The following C11orf97 variants were observed in gnomAD, a reference collection of about 807,000 sequenced individuals.
The protein encoded by C11orf97 is chromosome 11 open reading frame 97.
A neutral mutation model predicts 16.2 loss-of-function variants in C11orf97; 15 were observed. That is an observed-to-expected ratio of 0.93 (90% CI 0.62 to 1.43). C11orf97 has a LOEUF of 1.43. Among genes scored for constraint, C11orf97 ranks in the 40% most tolerant of loss-of-function variants. C11orf97 has a pLI of 0.00. For synonymous variants in C11orf97, 61 were observed against 65.7 expected, an observed-to-expected ratio of 0.93 and a Z score of 0.34; for missense variants, 171 against 161.2, an observed-to-expected ratio of 1.06 and a Z score of -0.33.
At chr11:94,523,329 T>C (rs1947674605) in intron 2 of C11orf97, among the ~76,000 whole-genome samples, 1 of 152,350 alleles carries the variant, frequency 6.6e-6, no homozygotes, top group South Asian at 2.1e-4. Flanking sequence ...AGCATATTTG[T>C]AGCTATGTAT....
chr11:94,529,406 T>C (rs918362967), intron 3 of C11orf97, among the ~76,000 whole-genome samples: 4 of 152,226 alleles, frequency 2.6e-5, no homozygotes, highest in Admixed American at 2.0e-4. Flanking sequence ...GGGATTCATG[T>C]AGCAAACAGG....
At chr11:94,513,667 G>A (rs1947586209) in intron 1 of C11orf97, among the ~76,000 whole-genome samples, 1 of 152,168 alleles carries the variant, frequency 6.6e-6, no homozygotes, top group Admixed American at 6.5e-5. Flanking sequence ...CCTGGTGAAA[G>A]GGGCCTCTTC....
intron 2 of C11orf97, among the ~76,000 whole-genome samples, chr11:94,520,250 A>G (rs1310354647): frequency 6.6e-6 from 1 of 152,194 alleles, no homozygotes; most frequent in Non-Finnish European, 1.5e-5. Flanking sequence ...CATCTGATGT[A>G]GTTGTTTCCT....
intron 3 of C11orf97, among the ~76,000 whole-genome samples, chr11:94,529,120 A>C (rs543154275): frequency 1.5e-4 from 23 of 152,326 alleles, no homozygotes; most frequent in African/African-American, 5.5e-4. Flanking sequence ...GTAGAAGAGT[A>C]GAAATGCTGG....
At chr11:94,514,230 T>C (rs2135176333) in intron 1 of C11orf97, among the ~76,000 whole-genome samples, 1 of 145,530 alleles carries the variant, frequency 6.9e-6, no homozygotes, top group Non-Finnish European at 1.5e-5. Flanking sequence ...TTTAACATAT[T>C]GAGTCTTTAT....
At chr11:94,514,315 C>T (rs1337821849) in intron 1 of C11orf97, among the ~76,000 whole-genome samples, 2 of 152,170 alleles carry the variant, frequency 1.3e-5, no homozygotes, top group Non-Finnish European at 2.9e-5. Context: ...TTCACAAGCT[C>T]ACAAAGTTGG....
At chr11:94,515,876 G>A (rs557716476) in intron 1 of C11orf97, among the ~76,000 whole-genome samples, 50 of 152,246 alleles carry the variant, frequency 3.3e-4, no homozygotes, top group African/African-American at 1.2e-3. Context: ...CACCAGGGCT[G>A]AAATTTGTCA....
intron 2 of C11orf97, among the ~76,000 whole-genome samples, chr11:94,521,163 A>T (rs1168619094): frequency 1.3e-5 from 2 of 152,174 alleles, no homozygotes; most frequent in Non-Finnish European, 2.9e-5. Flanking sequence ...GTCAAAACAG[A>T]AATTGTCCTC....
chr11:94,521,079 A>T (rs972198416), intron 2 of C11orf97, among the ~76,000 whole-genome samples: 4 of 152,192 alleles, frequency 2.6e-5, no homozygotes, highest in African/African-American at 7.2e-5. Context: ...AGACATTCAG[A>T]TATCTTCCTC....
At position 94,528,279 on chromosome 11, in the gene C11orf97, A is replaced by G. The variant is rs934472629; in HGVS notation, c.376+70A>G. The G allele has an allele frequency of 1.6e-4, 218 of 1,343,010 alleles. No individual in the cohort carries two copies. In the East Asian group the frequency reaches 5.4e-3, roughly 33 times the overall value. 83.2% of individuals were successfully genotyped at this position (1,343,010 alleles called of 1,614,324 possible). A position where few individuals can be genotyped will look rare whatever the true frequency, so the allele number is the denominator to read the frequency against. On this transcript the variant is annotated intron_variant, in intron 3 of 3. Transcript: ENST00000542198. The stretch of plus-strand genomic sequence containing the variant: ...ACTTTACAGTTTACAAACCAGTGGT[A>G]TATGCTCTGTTTAAAGATCTCAATC...
chr11:94,526,541 G>C (rs1339296640), intron 2 of C11orf97, among the ~76,000 whole-genome samples: 1 of 151,996 alleles, frequency 6.6e-6, no homozygotes, highest in Non-Finnish European at 1.5e-5. Context: ...TGCTTTCCAC[G>C]TACTGGATCT....
At chr11:94,513,820 GATT>G (rs1314889704) in intron 1 of C11orf97, among the ~76,000 whole-genome samples, 4 of 152,106 alleles carry the variant, frequency 2.6e-5, no homozygotes, top group Admixed American at 1.3e-4. Context: ...AAATTATTAT[GATT>G]ATTATTATTT....
intron 1 of C11orf97, among the ~76,000 whole-genome samples, chr11:94,517,368 C>A (rs758992779): frequency 1.3e-5 from 2 of 152,182 alleles, no homozygotes; most frequent in Non-Finnish European, 2.9e-5. Flanking sequence ...ACTTACCCTG[C>A]AAGTTCAGGA....
intron 2 of C11orf97, among the ~76,000 whole-genome samples, chr11:94,526,798 G>A (rs953093932): frequency 1.3e-5 from 2 of 152,180 alleles, no homozygotes; most frequent in African/African-American, 4.8e-5. Flanking sequence ...GAAGGAGATT[G>A]TGCAATCTTC....
chr11:94,521,223 A>G (rs548188779), intron 2 of C11orf97, among the ~76,000 whole-genome samples: 10 of 152,258 alleles, frequency 6.6e-5, no homozygotes, highest in African/African-American at 2.2e-4. Context: ...CCTGTTTTCT[A>G]TTGCTACCTG....
intron 2 of C11orf97, among the ~76,000 whole-genome samples, chr11:94,526,942 C>T (rs1195226280): frequency 1.3e-5 from 2 of 152,142 alleles, no homozygotes; most frequent in East Asian, 1.9e-4. Context: ...CCTCCAGTCA[C>T]GGAATCTTAG....
At chr11:94,527,679 G>T (rs1947710402) in intron 2 of C11orf97, among the ~76,000 whole-genome samples, 1 of 152,118 alleles carries the variant, frequency 6.6e-6, no homozygotes, top group Non-Finnish European at 1.5e-5. Flanking sequence ...ACTATTGGAT[G>T]AATTAATGTA....
intron 2 of C11orf97, among the ~76,000 whole-genome samples, chr11:94,521,890 T>C (rs1026579482): frequency 2.6e-5 from 4 of 152,220 alleles, no homozygotes; most frequent in African/African-American, 9.6e-5. Flanking sequence ...CTGTTCTGCC[T>C]CTAGGTGGCT....
intron 2 of C11orf97, among the ~76,000 whole-genome samples, chr11:94,521,725 T>C (rs527236300): frequency 6.6e-6 from 1 of 152,364 alleles, no homozygotes; most frequent in African/African-American, 2.4e-5. Flanking sequence ...CATCTTAGGA[T>C]GAGTAAACTA....
Sources: gnomAD v4.1 joint callset for allele counts (sites outside exome capture counted in the v4.1 genomes callset) on GRCh38, gnomAD v4.1.1 for gene constraint, MANE v1.5 for transcripts, NCBI Gene and HGNC (gene_info 2026-07-23, HGNC 2026-07-21) for gene names.